MTSS1: variants seen among roughly 807,000 people sequenced by gnomAD.
MTSS1 encodes protein MTSS 1.
Under a neutral mutation model 79.0 loss-of-function variants are expected in MTSS1, and 18 were observed. The ratio of observed to expected loss-of-function variants is 0.23; its 90% CI spans 0.16 to 0.34. The LOEUF is 0.34. MTSS1 is among the 10% of genes least tolerant of loss of function. The probability of loss-of-function intolerance (pLI) is 1.00; values close to 1 mark genes in which losing one functional copy is unlikely to be tolerated. For missense variants in MTSS1, 815 were observed against 986.2 expected, an observed-to-expected ratio of 0.83 and a Z score of 2.33; for synonymous variants, 341 against 368.6, an observed-to-expected ratio of 0.93 and a Z score of 0.86.
At chr8:124,591,575 T>A (rs144712117) in intron 3 of MTSS1, among the ~76,000 whole-genome samples, 1,847 of 152,332 alleles carry the variant, frequency 0.012, 15 homozygotes, top group Non-Finnish European at 0.018. Context: ...TGACCTGTAG[T>A]TTGAAAAATA....
intron 3 of MTSS1, among the ~76,000 whole-genome samples, chr8:124,681,223 G>C (rs1324872395): frequency 7.3e-6 from 1 of 136,232 alleles, no homozygotes; most frequent in African/African-American, 3.1e-5. Flanking sequence ...AAAAAAAAAA[G>C]CAAATGATGA....
chr8:124,669,855 C>T (rs372774820), intron 3 of MTSS1, among the ~76,000 whole-genome samples: 74 of 152,292 alleles, frequency 4.9e-4, no homozygotes, highest in East Asian at 2.3e-3. Flanking sequence ...AGATGGTACG[C>T]GCGTCTTGCT....
Position 124,621,669 on chromosome 8 carries a change from C to T in MTSS1, c.209-30434G>A, listed in dbSNP as rs746738740. 5.9e-5 allele frequency among the ~76,000 whole-genome samples: 9 copies of T among 152,240 alleles called. No individual in the cohort carries two copies. In the East Asian group the frequency reaches 7.7e-4, roughly 13 times the overall value. On this transcript the variant is annotated intron_variant, in intron 3 of 13. Transcript: ENST00000518547. ...AAGTGATTCTCCTGCCTCAGCCTCC[C>T]GAGTAAGTAGCTGGGATTACAGGTG...
chr8:124,679,797 A>G (rs1174229643), intron 3 of MTSS1, among the ~76,000 whole-genome samples: 1 of 152,250 alleles, frequency 6.6e-6, no homozygotes, highest in South Asian at 2.1e-4. Flanking sequence ...TGCATTTGCA[A>G]CAAGGTCTAG....
intron 1 of MTSS1, among the ~76,000 whole-genome samples, chr8:124,726,487 T>C (rs1235562380): frequency 1.3e-5 from 2 of 152,200 alleles, no homozygotes; most frequent in East Asian, 3.8e-4. Context: ...CTGCAGATTA[T>C]GCTATGCTAA....
intron 3 of MTSS1, among the ~76,000 whole-genome samples, chr8:124,603,400 T>C (rs1289443958): frequency 4.6e-5 from 7 of 152,248 alleles, no homozygotes; most frequent in African/African-American, 1.7e-4. Context: ...CTGCTGTTTC[T>C]CTTGTTCAGG....
chr8:124,572,763 GAC>G (rs1413520780), intron 6 of MTSS1, among the ~76,000 whole-genome samples: 2 of 80,262 alleles, frequency 2.5e-5, no homozygotes, highest in African/African-American at 1.4e-4. Flanking sequence ...TTTTTTTTGA[GAC>G]AGAGTCTCGC....
At chr8:124,702,156 T>C (rs2116082) in intron 2 of MTSS1, among the ~76,000 whole-genome samples, 110,945 of 152,160 alleles carry the variant, frequency 0.73, 40,502 homozygotes, top group East Asian at 0.82. Context: ...CTTGGTCTAC[T>C]CTGAAAGACT....
rs77997827 is a variant in MTSS1 at position 124,551,383 on chromosome 8, A to G, written c.*1609T>C. 3,278 of 152,792 alleles carry G rather than the reference A, an allele frequency of 0.021. 64 individuals are homozygous for G. Among genetic ancestry groups the G allele is most frequent in the Middle Eastern group, 0.048 (14 of 294 alleles). 9.5% of individuals were successfully genotyped at this position (152,792 alleles called of 1,614,324 possible). On this transcript the variant is annotated 3_prime_UTR_variant, in exon 14 of 14. Transcript: ENST00000518547. ...CATGCCTTTGCTTTAAAGCCGTAAC[A>G]TAAAATGTCCTTGAGCAATCGCAGC...
At chr8:124,561,309 T>C (rs529303325) in intron 10 of MTSS1, among the ~76,000 whole-genome samples, 3 of 152,238 alleles carry the variant, frequency 2.0e-5, no homozygotes, top group East Asian at 3.9e-4. Flanking sequence ...TCCCAGCTAC[T>C]TGGGAGGCTG....
intron 1 of MTSS1, among the ~76,000 whole-genome samples, chr8:124,707,610 G>A (rs1830575507): frequency 6.6e-6 from 1 of 152,004 alleles, no homozygotes; most frequent in African/African-American, 2.4e-5. Context: ...TCGGGAGGCT[G>A]AAGCAGAGAA....
chr8:124,655,062 T>C (rs1432498370), intron 3 of MTSS1, among the ~76,000 whole-genome samples: 1 of 152,254 alleles, frequency 6.6e-6, no homozygotes. Flanking sequence ...CCCTCTCTTT[T>C]CTGCTCTCTA....
intron 12 of MTSS1, 122 bp from the exon 13 acceptor site, chr8:124,556,026 C>A: frequency 6.5e-7 from 1 of 1,542,356 alleles, no homozygotes; most frequent in East Asian, 2.4e-5. Flanking sequence ...TTGCTTGGGT[C>A]CCACTCTGAC....
At chr8:124,565,970 T>C in intron 8 of MTSS1, 1 of 388,584 alleles carries the variant, frequency 2.6e-6, no homozygotes, top group Non-Finnish European at 4.6e-6. Context: ...AAAACTATAA[T>C]TAATAGGGAG....
chr8:124,702,557 C>T (rs1331687683), intron 2 of MTSS1, among the ~76,000 whole-genome samples: 1 of 152,204 alleles, frequency 6.6e-6, no homozygotes, highest in African/African-American at 2.4e-5. Flanking sequence ...AGAAAAAAGG[C>T]CCACCTTTCC....
At chr8:124,682,528 G>C (rs144596176) in intron 3 of MTSS1, among the ~76,000 whole-genome samples, 3 of 152,170 alleles carry the variant, frequency 2.0e-5, no homozygotes, top group African/African-American at 7.2e-5. Context: ...TGAGCCTCAC[G>C]GAACAGGCAG....
chr8:124,715,452 T>G (rs1831797291), intron 1 of MTSS1, among the ~76,000 whole-genome samples: 1 of 152,196 alleles, frequency 6.6e-6, no homozygotes, highest in African/African-American at 2.4e-5. Context: ...GGCAGCATGA[T>G]GAACTTGTCA....
intron 10 of MTSS1, 71 bp from the exon 11 acceptor site, chr8:124,557,946 A>C (rs1012126189): frequency 2.4e-6 from 3 of 1,239,862 alleles, no homozygotes; most frequent in Non-Finnish European, 3.3e-6. Flanking sequence ...CGGAGATACA[A>C]AATGGCATTG....
chr8:124,699,489 T>G (rs1169535375), intron 3 of MTSS1, 37 bp downstream of exon 3: 1 of 1,597,300 alleles, frequency 6.3e-7, no homozygotes, highest in African/African-American at 1.3e-5. Context: ...ACGTGCAGAA[T>G]GCAGTTAACA....
Sources: allele counts gnomAD v4.1 joint callset (sites outside exome capture counted in the v4.1 genomes callset), GRCh38; gene constraint gnomAD v4.1.1; transcripts MANE v1.5; gene names NCBI Gene and HGNC (gene_info 2026-07-23, HGNC 2026-07-21).